Variants in C12orf50 observed in about 807,000 individuals in gnomAD.
C12orf50 encodes the protein uncharacterized protein C12orf50.
C12orf50 carries 35 observed loss-of-function variants against 61.6 expected under a neutral mutation model. The ratio of observed to expected loss-of-function variants is 0.57; its 90% CI spans 0.43 to 0.75. C12orf50 has a LOEUF of 0.75. Ranked by LOEUF, C12orf50 falls within the 30% of genes least tolerant of loss-of-function variation. The pLI, the probability that C12orf50 is intolerant of heterozygous loss-of-function variation, is 0.00. For synonymous variants in C12orf50, 178 were observed against 161.5 expected (o/e 1.10, Z -0.77); for missense variants, 475 against 488.5 (o/e 0.97, Z 0.26).
At chr12:87,999,210 A>G (rs2031549363) in intron 3 of C12orf50, among the ~76,000 whole-genome samples, 2 of 152,090 alleles carry the variant, frequency 1.3e-5, no homozygotes. Flanking sequence ...GGTGACACAG[A>G]AAGAATAAAT....
intron 12 of C12orf50, among the ~76,000 whole-genome samples, chr12:87,981,777 C>T (rs151108711): frequency 5.3e-5 from 8 of 152,146 alleles, no homozygotes; most frequent in African/African-American, 1.7e-4. Context: ...TCCCACGCAA[C>T]CTTAGCACTT....
At chr12:88,011,789 C>A (rs368998948) in intron 3 of C12orf50, among the ~76,000 whole-genome samples, 87 of 152,266 alleles carry the variant, frequency 5.7e-4, no homozygotes, top group African/African-American at 2.0e-3. Context: ...GAAGGAAACA[C>A]GGATCCAGCT....
intron 10 of C12orf50, 91 bp downstream of exon 10, chr12:87,986,221 G>A (rs2030812892): frequency 2.4e-6 from 3 of 1,225,912 alleles, no homozygotes; most frequent in Admixed American, 2.4e-5. Context: ...TACGTCACAT[G>A]ACAGTAATTT....
At chr12:88,011,733 C>T (rs557746288) in intron 3 of C12orf50, among the ~76,000 whole-genome samples, 1 of 152,118 alleles carries the variant, frequency 6.6e-6, no homozygotes, top group African/African-American at 2.4e-5. Flanking sequence ...TCTGGAGTAA[C>T]TGTAGTACAT....
intron 6 of C12orf50, 92 bp from the exon 7 acceptor site, chr12:87,994,835 C>T: frequency 2.6e-6 from 2 of 768,836 alleles, no homozygotes; most frequent in Non-Finnish European, 4.3e-6. Context: ...AGTAAAAAAG[C>T]TTTAAAGTTA....
chr12:87,980,503 A>T, intron 12 of C12orf50, 147 bp from the exon 13 acceptor site: 1 of 701,654 alleles, frequency 1.4e-6, no homozygotes, highest in South Asian at 1.9e-5. Flanking sequence ...TCAAAATGCC[A>T]TTCAAATAGT....
rs757432796 is a variant in C12orf50, at chr12:87,980,306, T to G, written c.*25A>C. 5 of 1,603,560 alleles carry G rather than the reference T, an allele frequency of 3.1e-6. No individual in the cohort carries two copies. In the South Asian group the frequency reaches 5.6e-5, roughly 18 times the overall value. ...GATGATGTCTGGCAATTTTTTCTCA[T>G]TTTTCTCTCTCTCAACCTCCAGGTT... On this transcript the variant is annotated 3_prime_UTR_variant, in exon 13 of 13. Coordinates refer to ENST00000298699, the MANE Select transcript of C12orf50 (RefSeq NM_152589.3).
chr12:87,980,482 C>T (rs4313656), intron 12 of C12orf50, 126 bp from the exon 13 acceptor site: 34,404 of 822,678 alleles, frequency 0.042, 4,204 homozygotes, highest in African/African-American at 0.37. Context: ...ACTGTTTTAA[C>T]TTATAAATTT....
intron 3 of C12orf50, among the ~76,000 whole-genome samples, chr12:88,009,082 T>C (rs1038909294): frequency 6.6e-6 from 1 of 152,140 alleles, no homozygotes; most frequent in Non-Finnish European, 1.5e-5. Flanking sequence ...CTTTGGCCAT[T>C]ACAAACTGCT....
chr12:87,988,786 G>A (rs1363436260), intron 8 of C12orf50, among the ~76,000 whole-genome samples: 1 of 152,124 alleles, frequency 6.6e-6, no homozygotes, highest in Non-Finnish European at 1.5e-5. Flanking sequence ...ACTCAGCAGA[G>A]AGATAACAGC....
chr12:88,008,823 T>G (rs2136458969), intron 3 of C12orf50, among the ~76,000 whole-genome samples: 1 of 152,282 alleles, frequency 6.6e-6, no homozygotes, highest in South Asian at 2.1e-4. Flanking sequence ...TCACTTTTTG[T>G]TTGTCCTTAT....
intron 12 of C12orf50, among the ~76,000 whole-genome samples, chr12:87,981,213 G>A (rs781087502): frequency 1.3e-5 from 2 of 152,112 alleles, no homozygotes; most frequent in South Asian, 4.1e-4. Context: ...TTCTCAGGGT[G>A]TTCTCTGTAC....
At chr12:88,021,682 T>C (rs992739692) in intron 3 of C12orf50, among the ~76,000 whole-genome samples, 4 of 149,922 alleles carry the variant, frequency 2.7e-5, no homozygotes, top group African/African-American at 4.9e-5. Flanking sequence ...CCCACAGAAA[T>C]ACAAAAACCT....
chr12:88,010,421 A>C (rs182179857), intron 3 of C12orf50, among the ~76,000 whole-genome samples: 14 of 123,154 alleles, frequency 1.1e-4, no homozygotes, highest in African/African-American at 3.9e-4. Context: ...TATAAGATTA[A>C]AATTATTATA....
intron 3 of C12orf50, among the ~76,000 whole-genome samples, chr12:88,023,854 C>T (rs2032608859): frequency 6.6e-6 from 1 of 152,048 alleles, no homozygotes; most frequent in Non-Finnish European, 1.5e-5. Context: ...AGTAAACAGA[C>T]AATCTACAGA....
At chr12:88,018,951 G>C (rs569198553) in intron 3 of C12orf50, among the ~76,000 whole-genome samples, 22 of 152,200 alleles carry the variant, frequency 1.4e-4, no homozygotes, top group Non-Finnish European at 2.4e-4. Context: ...GAAGGGACTT[G>C]CCTTGTCTCA....
intron 3 of C12orf50, among the ~76,000 whole-genome samples, chr12:88,016,662 G>A (rs979278907): frequency 9.2e-5 from 14 of 152,296 alleles, no homozygotes; most frequent in Admixed American, 6.5e-4. Context: ...GCTGTTCATG[G>A]ATTCCCGGAG....
At chr12:88,024,448 T>C (rs532027889) in intron 3 of C12orf50, among the ~76,000 whole-genome samples, 4 of 152,240 alleles carry the variant, frequency 2.6e-5, no homozygotes, top group African/African-American at 9.6e-5. Flanking sequence ...CTACACGCCA[T>C]AAAACAAGAA....
intron 7 of C12orf50, among the ~76,000 whole-genome samples, chr12:87,994,200 CATAA>C (rs35524012): frequency 0.11 from 16,310 of 151,144 alleles, 1,095 homozygotes; most frequent in African/African-American, 0.18. Flanking sequence ...ACTTCCATCT[CATAA>C]ATAAATAAAT....
Sources: allele counts gnomAD v4.1 joint callset (sites outside exome capture counted in the v4.1 genomes callset), GRCh38; gene constraint gnomAD v4.1.1; transcripts MANE v1.5; gene names NCBI Gene and HGNC (gene_info 2026-07-23, HGNC 2026-07-21).